The following GRIK4 variants were observed in gnomAD, a reference collection of about 807,000 sequenced individuals.
GRIK4 encodes glutamate ionotropic receptor kainate type subunit 4.
GRIK4 carries 40 observed loss-of-function variants against 104.9 expected under a neutral mutation model. The ratio of observed to expected loss-of-function variants is 0.38; its 90% CI spans 0.30 to 0.50. The LOEUF is 0.50. Among genes scored for constraint, GRIK4 ranks in the 20% least tolerant of loss-of-function variants. The pLI is 0.93. For missense variants in GRIK4, 1,047 were observed against 1,308.1 expected, an observed-to-expected ratio of 0.80 and a Z score of 3.08; for synonymous variants, 485 against 524.9, an observed-to-expected ratio of 0.92 and a Z score of 1.04.
chr11:120,841,079 T>G (rs1953701443), intron 8 of GRIK4, among the ~76,000 whole-genome samples: 1 of 152,238 alleles, frequency 6.6e-6, no homozygotes, highest in Non-Finnish European at 1.5e-5. Flanking sequence ...GCATTTCTTT[T>G]TTTTAAGCTT....
chr11:120,577,665 T>C (rs1039609496), intron 1 of GRIK4, among the ~76,000 whole-genome samples: 3 of 152,172 alleles, frequency 2.0e-5, no homozygotes, highest in Non-Finnish European at 4.4e-5. Flanking sequence ...TTGCCTTTCG[T>C]TGGGAAAGGC....
chr11:120,786,580 C>A (rs1952281449), intron 3 of GRIK4, among the ~76,000 whole-genome samples: 1 of 152,034 alleles, frequency 6.6e-6, no homozygotes, highest in Non-Finnish European at 1.5e-5. Context: ...ATCTGCCTGC[C>A]TTGCTTCTGG....
chr11:120,889,884 G>A (rs191015812), intron 11 of GRIK4, among the ~76,000 whole-genome samples: 130 of 152,206 alleles, frequency 8.5e-4, no homozygotes, highest in African/African-American at 3.0e-3. Context: ...GATTAGAGGC[G>A]TGAGTCACTG....
At chr11:120,530,746 G>A (rs762520587) in intron 1 of GRIK4, among the ~76,000 whole-genome samples, 10 of 152,078 alleles carry the variant, frequency 6.6e-5, no homozygotes, top group Non-Finnish European at 1.3e-4. Context: ...AAACCAAGGG[G>A]CCTGCTACAG....
chr11:120,809,458 C>A (rs1952783279), intron 4 of GRIK4, among the ~76,000 whole-genome samples: 1 of 152,226 alleles, frequency 6.6e-6, no homozygotes, highest in South Asian at 2.1e-4. Context: ...CTCTACTGAG[C>A]AGGGCACCCT....
intron 11 of GRIK4, among the ~76,000 whole-genome samples, chr11:120,883,169 C>T (rs889516936): frequency 3.3e-5 from 5 of 152,134 alleles, no homozygotes; most frequent in African/African-American, 1.2e-4. Flanking sequence ...GTGTGCACAG[C>T]CCACCTCCCT....
chr11:120,701,952 T>TC, intron 3 of GRIK4, among the ~76,000 whole-genome samples: 1 of 50,380 alleles, frequency 2.0e-5, no homozygotes, highest in African/African-American at 1.6e-4. Flanking sequence ...GATTCCAAGC[T>TC]TTTTTTTTTT....
intron 1 of GRIK4, among the ~76,000 whole-genome samples, chr11:120,606,415 C>A (rs942778301): frequency 6.6e-6 from 1 of 152,150 alleles, no homozygotes; most frequent in Non-Finnish European, 1.5e-5. Context: ...GCGCTGTAAA[C>A]ATTTGTGGAA....
At chr11:120,686,532 A>G (rs189572971) in intron 3 of GRIK4, among the ~76,000 whole-genome samples, 1 of 152,314 alleles carries the variant, frequency 6.6e-6, no homozygotes, top group African/African-American at 2.4e-5. Flanking sequence ...CCTGTGTACC[A>G]TACCAGGGAA....
At chr11:120,565,825 C>G (rs1446735204) in intron 1 of GRIK4, among the ~76,000 whole-genome samples, 1 of 152,178 alleles carries the variant, frequency 6.6e-6, no homozygotes, top group Non-Finnish European at 1.5e-5. Flanking sequence ...TAACTAATAG[C>G]ACGTTAGTTG....
intron 3 of GRIK4, among the ~76,000 whole-genome samples, chr11:120,738,685 G>A (rs1159025692): frequency 6.6e-6 from 1 of 152,194 alleles, no homozygotes; most frequent in Non-Finnish European, 1.5e-5. Context: ...CCATGCTTGC[G>A]GGCAACAGCA....
chr11:120,536,467 G>A (rs537250398), intron 1 of GRIK4, among the ~76,000 whole-genome samples: 38 of 152,324 alleles, frequency 2.5e-4, no homozygotes, highest in African/African-American at 7.9e-4. Flanking sequence ...AGGTGGATGC[G>A]GAGCTGGTTG....
rs1306391275 is a variant in GRIK4, at chr11:120,905,216, CT to C, written c.1273-73del. 9 of 1,100,342 alleles carry C rather than the reference CT, an allele frequency of 8.2e-6. No homozygotes were observed. The East Asian group carries it at 9.4e-5, about 12-fold the overall frequency. The allele number at this position is 1,100,342 out of a possible 1,614,324, so 68.2% of individuals were successfully genotyped here. On this transcript the variant is annotated intron_variant, in intron 12 of 20. Transcript: ENST00000527524. This position sits in a 1 kb window ranked among gnomAD's most constrained non-coding sequence, Gnocchi z 5.1. ...ATGTCCTCCCCGACCCTCTGTGCCC[CT>C]GGCCCTCCCCATCACACGCGGGTGA...
At chr11:120,552,747 C>G (rs1402867652) in intron 1 of GRIK4, among the ~76,000 whole-genome samples, 1 of 152,118 alleles carries the variant, frequency 6.6e-6, no homozygotes, top group Non-Finnish European at 1.5e-5. Context: ...TGCCTGTAAT[C>G]CCAGCACTTT....
intron 3 of GRIK4, among the ~76,000 whole-genome samples, chr11:120,793,913 C>G (rs553783639): frequency 8.3e-6 from 1 of 120,078 alleles, no homozygotes; most frequent in Admixed American, 8.6e-5. Flanking sequence ...GGGCAGAGAG[C>G]CAGGCGGTGT....
chr11:120,785,650 T>A (rs903194072), intron 3 of GRIK4, among the ~76,000 whole-genome samples: 4 of 152,176 alleles, frequency 2.6e-5, no homozygotes, highest in Non-Finnish European at 4.4e-5. Flanking sequence ...GTGCCTAACA[T>A]TTGCCTGGCT....
intron 8 of GRIK4, chr11:120,858,557 C>T (rs1326273192): frequency 6.6e-6 from 1 of 152,188 alleles, no homozygotes; most frequent in African/African-American, 2.4e-5. Flanking sequence ...CTGCTGGACT[C>T]TTTTCAGCCT....
At chr11:120,919,996 G>C (rs1250044039) in intron 13 of GRIK4, among the ~76,000 whole-genome samples, 1 of 152,114 alleles carries the variant, frequency 6.6e-6, no homozygotes, top group East Asian at 1.9e-4. Flanking sequence ...AGGCAGCACT[G>C]GGCCTGAACC....
In GRIK4 at chr11:120,961,042, A is replaced by G; in HGVS notation, c.2008A>G (p.Ile670Val). The G allele has an allele frequency of 6.2e-7, 1 of 1,614,162 alleles. No individual in the cohort carries two copies. The change falls in exon 17 of 21, where the codon ATT becomes GTT. Residue 670 changes from isoleucine to valine, a missense_variant. Around this residue, in one of 3 missense-constraint regions of GRIK4, gnomAD observed 440 missense variants for 652.3 expected, o/e 0.67. Coordinates refer to ENST00000527524, the MANE Select transcript of GRIK4 (RefSeq NM_014619.5). ...CCAGACCGCCATTGAATATGGCACA[A>G]TTCACGGAGGCTCCAGCATGACCTT... ...ADQTAIEYGT[I>V]HGGSSMTFFQ...
Sources: gnomAD v4.1 joint callset for allele counts (sites outside exome capture counted in the v4.1 genomes callset) on GRCh38, gnomAD v4.1.1 for gene constraint, gnomAD v4.1.1 regional missense constraint, Gnocchi (gnomAD v3.1) non-coding constraint, MANE v1.5 for transcripts, NCBI Gene and HGNC (gene_info 2026-07-23, HGNC 2026-07-21) for gene names.